The following PFKFB3 variants were observed in gnomAD, a reference collection of about 807,000 sequenced individuals.
PFKFB3 encodes the protein 6-phosphofructo-2-kinase/fructose-2,6-biphosphatase 3, also known as 6-phosphofructo-2-kinase/fructose-2,6-bisphosphatase 3.
PFKFB3 carries 33 observed loss-of-function variants against 68.0 expected under a neutral mutation model. That is an observed-to-expected ratio of 0.49 (90% CI 0.37 to 0.65). The LOEUF (loss-of-function observed/expected upper bound fraction) is 0.65. Among genes scored for constraint, PFKFB3 ranks in the 30% least tolerant of loss-of-function variants. PFKFB3 has a pLI of 0.00. For synonymous variants in PFKFB3, 315 were observed against 288.2 expected, an observed-to-expected ratio of 1.09 and a Z score of -0.94; for missense variants, 586 against 712.2, an observed-to-expected ratio of 0.82 and a Z score of 2.02.
chr10:6,155,205 CTTTTTTT>C (rs55673645), intron 1 of PFKFB3, among the ~76,000 whole-genome samples: 2 of 132,388 alleles, frequency 1.5e-5, no homozygotes, highest in Non-Finnish European at 3.2e-5. Context: ...GAGTTTTTTT[CTTTTTTT>C]TTTTTTTTGA....
At position 6,210,373 on chromosome 10, in the gene PFKFB3, T is replaced by TG. The variant is rs1844107324; in HGVS notation, c.77-3250_77-3249insG. Among the ~76,000 whole-genome samples, 4 of 83,684 alleles carry TG rather than the reference T, an allele frequency of 4.8e-5. 1 individual carries two copies. The highest frequency in any genetic ancestry group is 9.5e-5 in the Non-Finnish European group (3 of 31,676). 54.9% of individuals were successfully genotyped at this position (83,684 alleles called of 152,430 possible). On this transcript the variant is annotated intron_variant, in intron 1 of 14. Coordinates refer to ENST00000379775, the MANE Select transcript of PFKFB3 (RefSeq NM_004566.4). Reference sequence around the variant, plus strand: ...TTTTTTTTGTTTTTTTGTTTTTTTTTTTTTTGAGACGAAGTTTCGCTCTGT... The same window carrying TG: ...TTTTTTTTGTTTTTTTGTTTTTTTTTGTTTTTGAGACGAAGTTTCGCTCTGT...
intron 14 of PFKFB3, among the ~76,000 whole-genome samples, chr10:6,253,786 A>G (rs1846434393): frequency 6.6e-6 from 1 of 152,184 alleles, no homozygotes; most frequent in Admixed American, 6.5e-5. Flanking sequence ...TCACGCCTGT[A>G]ATCCCAGCAC....
the PFKFB3 span, among the ~76,000 whole-genome samples, chr10:6,318,399 T>C: frequency 6.6e-6 from 1 of 152,140 alleles, no homozygotes; most frequent in African/African-American, 2.4e-5. Flanking sequence ...GACAACCTGA[T>C]TGGCTGATGA....
rs936902259 is a variant in PFKFB3, at chr10:6,229,800, C to A, written c.1516-3095C>A. On this transcript the variant is annotated intron_variant, in intron 14 of 14. Transcript: ENST00000379775. This position sits in a 1 kb window ranked among gnomAD's most constrained non-coding sequence, Gnocchi z 4.3. ...GTTTCGTGGAAGAGAATTTTCCCCA[C>A]CATGGCAGGGTAGGGGATGGTTTGG... is the stretch of plus-strand genomic sequence containing the variant. Among the ~76,000 whole-genome samples the A allele has an allele frequency of 1.3e-5, 2 of 152,218 alleles. No individual in the cohort carries two copies. The highest frequency in any genetic ancestry group is 1.3e-4 in the Admixed American group (2 of 15,286).
intron 1 of PFKFB3, among the ~76,000 whole-genome samples, chr10:6,212,312 CAG>C (rs954408808): frequency 3.3e-5 from 5 of 152,242 alleles, no homozygotes; most frequent in South Asian, 2.1e-4. Context: ...GCTCCCAGAA[CAG>C]GGGGCTTCTG....
chr10:6,205,935 C>T (rs992095879), intron 1 of PFKFB3, among the ~76,000 whole-genome samples: 1 of 151,320 alleles, frequency 6.6e-6, no homozygotes, highest in Non-Finnish European at 1.5e-5. Flanking sequence ...GTAGCCGGGA[C>T]TATAAGTGTG....
chr10:6,225,402 C>T (rs1037733823), intron 13 of PFKFB3, among the ~76,000 whole-genome samples: 19 of 152,190 alleles, frequency 1.2e-4, no homozygotes, highest in Non-Finnish European at 1.9e-4. Flanking sequence ...CCCTCCACTT[C>T]GGAATGTGGG....
At chr10:6,175,407 C>T (rs532705851) in intron 1 of PFKFB3, among the ~76,000 whole-genome samples, 9 of 152,264 alleles carry the variant, frequency 5.9e-5, no homozygotes, top group African/African-American at 1.4e-4. Context: ...GCATGGATTG[C>T]GTGTTTGTAG....
At chr10:6,179,114 T>C (rs772083889) in intron 1 of PFKFB3, among the ~76,000 whole-genome samples, 1 of 152,266 alleles carries the variant, frequency 6.6e-6, no homozygotes, top group Non-Finnish European at 1.5e-5. Flanking sequence ...ATTTAACAGC[T>C]GAGAAGAAAA....
At chr10:6,199,098 G>A (rs1843251421), upstream of PFKFB3, among the ~76,000 whole-genome samples, 1 of 152,186 alleles carries the variant, frequency 6.6e-6, no homozygotes, top group Admixed American at 6.5e-5. Context: ...GTTTGTTTCA[G>A]TGTTTTGTTT....
chr10:6,261,685 C>A, the PFKFB3 span, among the ~76,000 whole-genome samples: 1 of 149,648 alleles, frequency 6.7e-6, no homozygotes, highest in Non-Finnish European at 1.5e-5. Context: ...ATGGTAAAAC[C>A]CCATCTCTAT....
chr10:6,295,074 C>G, the PFKFB3 span, among the ~76,000 whole-genome samples: 13 of 150,922 alleles, frequency 8.6e-5, no homozygotes, highest in African/African-American at 3.2e-4. Flanking sequence ...GTGTGTTTAT[C>G]TGGCTAGGAG....
intron 1 of PFKFB3, among the ~76,000 whole-genome samples, chr10:6,158,214 G>A (rs1160088197): frequency 3.3e-5 from 5 of 151,986 alleles, no homozygotes; most frequent in Admixed American, 2.6e-4. Flanking sequence ...GTGTGAACCC[G>A]GGAGGCAGAG....
At chr10:6,280,806 T>G in the PFKFB3 span, among the ~76,000 whole-genome samples, 1 of 151,860 alleles carries the variant, frequency 6.6e-6, no homozygotes, top group African/African-American at 2.4e-5. Context: ...TGTTTTAAAT[T>G]TTTTATGTTT....
chr10:6,183,819 T>C (rs1272525349), intron 1 of PFKFB3, among the ~76,000 whole-genome samples: 3 of 149,670 alleles, frequency 2.0e-5, no homozygotes, highest in Non-Finnish European at 4.5e-5. Flanking sequence ...TCCCAAGTAG[T>C]TGGGACTACA....
chr10:6,168,282 C>T (rs1182707518), intron 1 of PFKFB3, among the ~76,000 whole-genome samples: 3 of 152,314 alleles, frequency 2.0e-5, no homozygotes, highest in Middle Eastern at 3.4e-3. Context: ...CCACACTGAC[C>T]ATGCTTGTAT....
intron 1 of PFKFB3, chr10:6,145,115 A>G: frequency 1.0e-6 from 1 of 971,470 alleles, no homozygotes; most frequent in Non-Finnish European, 1.4e-6. Flanking sequence ...GCGCGGAAGC[A>G]CTGTGCACCC....
intron 1 of PFKFB3, among the ~76,000 whole-genome samples, chr10:6,157,491 G>C (rs1001489737): frequency 1.3e-5 from 2 of 152,204 alleles, no homozygotes; most frequent in African/African-American, 4.8e-5. Flanking sequence ...CTCCCAAAGT[G>C]CTGGGATTAC....
the PFKFB3 span, among the ~76,000 whole-genome samples, chr10:6,295,646 T>C: frequency 6.6e-6 from 1 of 152,158 alleles, no homozygotes; most frequent in African/African-American, 2.4e-5. Flanking sequence ...AGTCTTTTAG[T>C]GAGCCTGAGT....
Sources: allele counts gnomAD v4.1 joint callset (sites outside exome capture counted in the v4.1 genomes callset), GRCh38; gene constraint gnomAD v4.1.1; non-coding constraint Gnocchi (gnomAD v3.1); transcripts MANE v1.5; gene names NCBI Gene and HGNC (gene_info 2026-07-23, HGNC 2026-07-21).